TMED10: variants seen among roughly 807,000 people sequenced by gnomAD.
TMED10 encodes the protein transmembrane emp24 domain-containing protein 10.
A neutral mutation model predicts 23.1 loss-of-function variants in TMED10; 7 were observed. The observed-to-expected ratio is 0.30, with a 90% CI of 0.17 to 0.57. The LOEUF is 0.57. Ranked by LOEUF, TMED10 falls within the 20% of genes least tolerant of loss-of-function variation. The pLI is 0.91. For synonymous variants in TMED10, 113 were observed against 106.9 expected, an observed-to-expected ratio of 1.06 and a Z score of -0.35; for missense variants, 162 against 274.8, an observed-to-expected ratio of 0.59 and a Z score of 2.90.
intron 1 of TMED10, among the ~76,000 whole-genome samples, chr14:75,170,444 A>T (rs1464794768): frequency 2.0e-5 from 3 of 152,238 alleles, no homozygotes; most frequent in South Asian, 2.1e-4. Flanking sequence ...GGATAGACAT[A>T]TACAAGATAA....
At chr14:75,148,819 G>A (rs928056941) in intron 2 of TMED10, among the ~76,000 whole-genome samples, 7 of 152,288 alleles carry the variant, frequency 4.6e-5, no homozygotes, top group African/African-American at 9.6e-5. Flanking sequence ...GATATGCTAC[G>A]GCTTCGATGT....
intron 3 of TMED10, among the ~76,000 whole-genome samples, chr14:75,146,968 A>AAAGTCTTAGG (rs906936122): frequency 6.6e-6 from 1 of 151,534 alleles, no homozygotes; most frequent in Non-Finnish European, 1.5e-5. Flanking sequence ...TCTTGGGGAA[A>AAAGTCTTAGG]AAGTCTTAGG....
At chr14:75,176,254 C>G in intron 1 of TMED10, 101 bp downstream of exon 1, 1 of 1,444,946 alleles carries the variant, frequency 6.9e-7, no homozygotes, top group South Asian at 1.2e-5. Context: ...GAGGCCAGAA[C>G]AACTCCCAGG....
chr14:75,156,820 T>C (rs1241051235), intron 1 of TMED10, among the ~76,000 whole-genome samples: 1 of 151,652 alleles, frequency 6.6e-6, no homozygotes, highest in Non-Finnish European at 1.5e-5. Flanking sequence ...TCCCAGCTAC[T>C]TGGGAGGCTG....
At chr14:75,144,156 A>G (rs915558422) in intron 3 of TMED10, among the ~76,000 whole-genome samples, 1 of 152,162 alleles carries the variant, frequency 6.6e-6, no homozygotes, top group Non-Finnish European at 1.5e-5. Context: ...GAGTTAGAAG[A>G]TGTGTCAGAT....
chr14:75,158,254 T>C (rs1359852435), intron 1 of TMED10, among the ~76,000 whole-genome samples: 4 of 152,168 alleles, frequency 2.6e-5, no homozygotes, highest in Non-Finnish European at 5.9e-5. Flanking sequence ...GCCTTGAAGA[T>C]TCTTAAAGGC....
chr14:75,135,911 G>C (rs926882674), intron 3 of TMED10, 25 bp from the exon 4 acceptor site: 11 of 1,611,838 alleles, frequency 6.8e-6, no homozygotes, highest in Non-Finnish European at 9.3e-6. Flanking sequence ...AATATTTTCA[G>C]CTCTCTGAAA....
intron 1 of TMED10, among the ~76,000 whole-genome samples, chr14:75,158,651 G>T (rs1239798069): frequency 6.6e-6 from 1 of 151,844 alleles, no homozygotes; most frequent in Non-Finnish European, 1.5e-5. Context: ...AGGGCCGGGT[G>T]TGGTGGCTCA....
intron 3 of TMED10, chr14:75,139,202 T>G (rs1566669079): frequency 4.5e-6 from 2 of 444,484 alleles, no homozygotes; most frequent in Non-Finnish European, 4.5e-6. Context: ...CAGAAAAATA[T>G]AACTTAAAAT....
chr14:75,162,667 G>A (rs1896099075), intron 1 of TMED10, among the ~76,000 whole-genome samples: 1 of 152,078 alleles, frequency 6.6e-6, no homozygotes, highest in South Asian at 2.1e-4. Context: ...GGGAAAAAAG[G>A]AAAGAAAAGA....
chr14:75,143,987 C>T (rs72736261), intron 3 of TMED10, among the ~76,000 whole-genome samples: 2,325 of 151,694 alleles, frequency 0.015, 30 homozygotes, highest in Middle Eastern at 0.031. Context: ...AGAGTTCCTC[C>T]TTCCTGAGAG....
intron 1 of TMED10, among the ~76,000 whole-genome samples, chr14:75,165,101 T>G (rs1204433648): frequency 1.3e-5 from 2 of 152,126 alleles, no homozygotes; most frequent in Non-Finnish European, 2.9e-5. Context: ...CTACTCTTCA[T>G]AAGAATTCAC....
chr14:75,164,546 TATATATATATATATATATATA>T (rs1896127661), intron 1 of TMED10, among the ~76,000 whole-genome samples: 1 of 33,612 alleles, frequency 3.0e-5, no homozygotes. Context: ...TATATATATA[TATATATATATATATATATATA>T]TATATATATA....
rs531750208 is a variant in TMED10, at chr14:75,163,467, C to T, written c.226-11324G>A. ...ACTCAGGCAGCTGAGGCAGCAGAAT[C>T]GCTTGAACCCGGGAGGCAGAGGTTG... On this transcript the variant is annotated intron_variant, in intron 1 of 4. Coordinates refer to ENST00000303575, the MANE Select transcript of TMED10 (RefSeq NM_006827.6). Among the ~76,000 whole-genome samples the T allele has an allele frequency of 8.1e-4, 118 of 146,222 alleles. No individual in the cohort carries two copies. The South Asian group carries it at 0.025, about 31-fold the overall frequency.
At chr14:75,148,924 T>A (rs917316231) in intron 2 of TMED10, among the ~76,000 whole-genome samples, 27 of 152,200 alleles carry the variant, frequency 1.8e-4, no homozygotes, top group African/African-American at 4.1e-4. Flanking sequence ...TTAAAAAAAA[T>A]TTTTTGAGAC....
intron 1 of TMED10, among the ~76,000 whole-genome samples, chr14:75,160,174 C>T (rs752638347): frequency 5.3e-5 from 8 of 152,138 alleles, no homozygotes; most frequent in Non-Finnish European, 1.0e-4. Flanking sequence ...AAACATCTCA[C>T]GATTTTTCTG....
Position 75,164,176 on chromosome 14 carries a change from G to T in TMED10, c.226-12033C>A, listed in dbSNP as rs985396798. On this transcript the variant is annotated intron_variant, in intron 1 of 4. Transcript: ENST00000303575. Reference sequence around the variant, plus strand: ...TGACTCCCGGGTTCAAGCAATTCTTGTGCCTCAGCCTCCAGAGTAGCTGGG... The same window carrying T: ...TGACTCCCGGGTTCAAGCAATTCTTTTGCCTCAGCCTCCAGAGTAGCTGGG... Among the ~76,000 whole-genome samples, 32 of 147,046 alleles carry T rather than the reference G, an allele frequency of 2.2e-4. 1 individual carries two copies. The highest frequency in any genetic ancestry group is 2.4e-4 in the Non-Finnish European group (16 of 67,074).
At chr14:75,156,668 G>A (rs901640932) in intron 1 of TMED10, among the ~76,000 whole-genome samples, 1 of 151,978 alleles carries the variant, frequency 6.6e-6, no homozygotes, top group African/African-American at 2.4e-5. Flanking sequence ...ATCTCAGGCC[G>A]GGCACGGTGG....
At chr14:75,141,649 C>T (rs1329792433) in intron 3 of TMED10, among the ~76,000 whole-genome samples, 1 of 152,130 alleles carries the variant, frequency 6.6e-6, no homozygotes, top group Non-Finnish European at 1.5e-5. Context: ...CAGCTTGGTG[C>T]AGTTGGCATT....
Sources: gnomAD v4.1 joint callset for allele counts (sites outside exome capture counted in the v4.1 genomes callset) on GRCh38, gnomAD v4.1.1 for gene constraint, MANE v1.5 for transcripts, NCBI Gene and HGNC (gene_info 2026-07-23, HGNC 2026-07-21) for gene names.